CAMKMT: variants seen among roughly 807,000 people sequenced by gnomAD.
The protein encoded by CAMKMT is calmodulin-lysine N-methyltransferase, also known as CaM KMT.
Under a neutral mutation model 48.0 loss-of-function variants are expected in CAMKMT, and 53 were observed. That is an observed-to-expected ratio of 1.10 (90% CI 0.89 to 1.39). The LOEUF (loss-of-function observed/expected upper bound fraction) is 1.39, where lower values mean the gene tolerates loss of function less well. Ranked by LOEUF, CAMKMT falls within the 40% of genes most tolerant of loss-of-function variation. The pLI is 0.00. For synonymous variants in CAMKMT, 165 were observed against 152.3 expected (o/e 1.08, Z -0.61); for missense variants, 428 against 402.7 (o/e 1.06, Z -0.54).
chr2:44,488,589 C>G (rs1321109312), intron 3 of CAMKMT, among the ~76,000 whole-genome samples: 1 of 151,994 alleles, frequency 6.6e-6, no homozygotes, highest in Admixed American at 6.6e-5. Flanking sequence ...GTGATCCCAG[C>G]TACACAGGAG....
At chr2:44,682,246 A>C (rs1676063125) in intron 3 of CAMKMT, among the ~76,000 whole-genome samples, 1 of 152,228 alleles carries the variant, frequency 6.6e-6, no homozygotes, top group Non-Finnish European at 1.5e-5. Flanking sequence ...TGAAATGTGT[A>C]ACATTTTTCA....
At position 44,647,628 on chromosome 2, in the gene CAMKMT, G is replaced by A. The variant is rs907407900; in HGVS notation, c.377-56655G>A. On this transcript the variant is annotated intron_variant, in intron 3 of 10. Coordinates refer to ENST00000378494, the MANE Select transcript of CAMKMT (RefSeq NM_024766.5). ...TTTGTGAATATTGAAACTATGGGCCGGGCACAGTGGCTCACACCTGTAATC... is the reference window on the plus strand; with the variant it reads ...TTTGTGAATATTGAAACTATGGGCCAGGCACAGTGGCTCACACCTGTAATC... Among the ~76,000 whole-genome samples the A allele has an allele frequency of 7.2e-5, 11 of 151,958 alleles. No individual in the cohort carries two copies. In the East Asian group the frequency reaches 1.9e-3, roughly 27 times the overall value.
chr2:44,695,281 A>G (rs896586840), intron 3 of CAMKMT, among the ~76,000 whole-genome samples: 2 of 152,308 alleles, frequency 1.3e-5, no homozygotes, highest in Admixed American at 1.3e-4. Context: ...GTTAATAACC[A>G]TAGTACTATA....
At chr2:44,596,562 C>G (rs1452678146) in intron 3 of CAMKMT, among the ~76,000 whole-genome samples, 1 of 152,114 alleles carries the variant, frequency 6.6e-6, no homozygotes, top group African/African-American at 2.4e-5. Flanking sequence ...AACAAGCCCC[C>G]CATCTGATTC....
At chr2:44,442,226 T>G (rs1367443239) in intron 3 of CAMKMT, among the ~76,000 whole-genome samples, 1 of 152,206 alleles carries the variant, frequency 6.6e-6, no homozygotes, top group Non-Finnish European at 1.5e-5. Flanking sequence ...TTCTTTCATT[T>G]GCCTTGCAAA....
intron 1 of CAMKMT, among the ~76,000 whole-genome samples, chr2:44,371,148 C>T (rs1236633399): frequency 6.6e-6 from 1 of 152,142 alleles, no homozygotes; most frequent in Non-Finnish European, 1.5e-5. Context: ...CCACACCTGG[C>T]TAATTTTTGT....
In CAMKMT at chr2:44,599,332, A is replaced by G. The variant is rs369019690; in HGVS notation, c.377-104951A>G. Among the ~76,000 whole-genome samples, 23 of 152,286 alleles carry G rather than the reference A, an allele frequency of 1.5e-4. No individual in the cohort carries two copies. In the East Asian group the frequency reaches 1.5e-3, roughly 10 times the overall value. On this transcript the variant is annotated intron_variant, in intron 3 of 10. Coordinates refer to ENST00000378494, the MANE Select transcript of CAMKMT (RefSeq NM_024766.5). ...TATCTGTCTTTGCCTGAAGGGCTCC[A>G]GTAACACTATTGTACAATATTTTCT...
intron 3 of CAMKMT, among the ~76,000 whole-genome samples, chr2:44,440,804 A>G (rs1666607593): frequency 6.6e-6 from 1 of 152,096 alleles, no homozygotes; most frequent in Non-Finnish European, 1.5e-5. Context: ...ATTGATCGTA[A>G]TTGTAGAACC....
intron 3 of CAMKMT, among the ~76,000 whole-genome samples, chr2:44,526,866 A>AGG (rs760143623): frequency 2.6e-5 from 4 of 152,238 alleles, no homozygotes; most frequent in South Asian, 4.1e-4. Flanking sequence ...CTTTTTTATA[A>AGG]GGACTTCAGT....
chr2:44,520,324 A>G (rs1671040077), intron 3 of CAMKMT, among the ~76,000 whole-genome samples: 1 of 152,010 alleles, frequency 6.6e-6, no homozygotes, highest in Admixed American at 6.5e-5. Flanking sequence ...ACTACCCTCG[A>G]GGGAGATCCT....
intron 3 of CAMKMT, among the ~76,000 whole-genome samples, chr2:44,441,821 C>T (rs1666681389): frequency 6.6e-6 from 1 of 152,132 alleles, no homozygotes; most frequent in African/African-American, 2.4e-5. Flanking sequence ...CCACAGTTTT[C>T]TGTGCATTTT....
chr2:44,601,854 G>A (rs1335170939), intron 3 of CAMKMT, among the ~76,000 whole-genome samples: 3 of 151,852 alleles, frequency 2.0e-5, no homozygotes, highest in African/African-American at 7.3e-5. Context: ...AAGCTAAAAG[G>A]AAAAGTAATC....
chr2:44,543,777 T>C (rs973687108), intron 3 of CAMKMT, among the ~76,000 whole-genome samples: 2 of 152,226 alleles, frequency 1.3e-5, no homozygotes, highest in Middle Eastern at 3.2e-3. Flanking sequence ...GTAGTAATCA[T>C]GTATTTTATT....
intron 7 of CAMKMT, 111 bp from the exon 8 acceptor site, chr2:44,743,511 T>C: frequency 1.4e-6 from 1 of 719,258 alleles, no homozygotes; most frequent in Non-Finnish European, 2.4e-6. Flanking sequence ...AAATAATTTG[T>C]ATATACCTTT....
At chr2:44,733,041 A>G (rs1262018640) in intron 7 of CAMKMT, among the ~76,000 whole-genome samples, 2 of 152,154 alleles carry the variant, frequency 1.3e-5, no homozygotes, top group African/African-American at 2.4e-5. Context: ...TTCATCTACA[A>G]GTTTTATAGT....
At chr2:44,431,849 T>A (rs952405604) in intron 3 of CAMKMT, among the ~76,000 whole-genome samples, 1 of 152,152 alleles carries the variant, frequency 6.6e-6, no homozygotes, top group African/African-American at 2.4e-5. Context: ...GGGGAACTAG[T>A]CTAAGATGTT....
At chr2:44,489,139 G>T (rs1019044947) in intron 3 of CAMKMT, among the ~76,000 whole-genome samples, 5 of 151,840 alleles carry the variant, frequency 3.3e-5, no homozygotes, top group Non-Finnish European at 5.9e-5. Context: ...CAAAGTTCTG[G>T]GATTACAGGC....
intron 3 of CAMKMT, among the ~76,000 whole-genome samples, chr2:44,637,068 G>A (rs778001907): frequency 3.9e-5 from 6 of 152,192 alleles, no homozygotes; most frequent in Non-Finnish European, 8.8e-5. Context: ...ACATACTGCT[G>A]TTGAAAACTG....
intron 3 of CAMKMT, among the ~76,000 whole-genome samples, chr2:44,449,936 A>C (rs552326448): frequency 6.6e-6 from 1 of 152,138 alleles, no homozygotes; most frequent in African/African-American, 2.4e-5. Context: ...TGTTTATCAA[A>C]TAAGTTAAAG....
Sources: allele counts gnomAD v4.1 joint callset (sites outside exome capture counted in the v4.1 genomes callset), GRCh38; gene constraint gnomAD v4.1.1; transcripts MANE v1.5; gene names NCBI Gene and HGNC (gene_info 2026-07-23, HGNC 2026-07-21).